The following PCDH10 variants were observed in gnomAD, a reference collection of about 807,000 sequenced individuals.
PCDH10 encodes the protein protocadherin 10.
A neutral mutation model predicts 74.4 loss-of-function variants in PCDH10; 15 were observed. The observed-to-expected ratio is 0.20, with a 90% CI of 0.13 to 0.31. The LOEUF is 0.31. Ranked by LOEUF, PCDH10 falls within the 10% of genes least tolerant of loss-of-function variation. The pLI, the probability that PCDH10 is intolerant of heterozygous loss-of-function variation, is 1.00. For synonymous variants in PCDH10, 619 were observed against 589.8 expected (o/e 1.05, Z -0.72); for missense variants, 1,260 against 1,390.2 (o/e 0.91, Z 1.49).
intron 4 of PCDH10, among the ~76,000 whole-genome samples, chr4:133,172,845 C>T (rs886158299): frequency 1.1e-4 from 17 of 151,916 alleles, no homozygotes; most frequent in Admixed American, 9.8e-4. Context: ...CCCATTGCCT[C>T]CTATCCTTAA....
intron 4 of PCDH10, among the ~76,000 whole-genome samples, chr4:133,171,064 G>A (rs957502304): frequency 1.3e-5 from 2 of 151,668 alleles, no homozygotes; most frequent in African/African-American, 4.8e-5. Context: ...AGATGAAACA[G>A]GTTTCTGGTT....
chr4:133,183,817 A>AG (rs1419438819), intron 4 of PCDH10, among the ~76,000 whole-genome samples: 1 of 152,142 alleles, frequency 6.6e-6, no homozygotes, highest in Non-Finnish European at 1.5e-5. Context: ...CAACTATTTA[A>AG]GGGTGCCAGG....
intron 2 of PCDH10, among the ~76,000 whole-genome samples, chr4:133,202,374 T>C (rs938126371): frequency 6.6e-6 from 1 of 152,098 alleles, no homozygotes; most frequent in African/African-American, 2.4e-5. Context: ...CGGCTCGAGG[T>C]CTTGAGGGTA....
Position 133,152,046 on chromosome 4 carries a change from G to T in PCDH10, c.1906G>T (p.Gly636Trp). ...CCTCTTTCGCATGGACTGGCGCACCGGGGAGCTGCGCACAGCACGCCGAGT... is the reference window on the plus strand; with the variant it reads ...CCTCTTTCGCATGGACTGGCGCACCTGGGAGCTGCGCACAGCACGCCGAGT... ...MNLFRMDWRT[G>W]ELRTARRVPA... Residue 636 changes from glycine (G) to tryptophan (W), a missense_variant, in exon 1 of 5, where the codon GGG (glycine) becomes TGG (tryptophan). Gly to Trp is a radical substitution (Grantham distance 184, BLOSUM62 -2). This residue lies in a region of PCDH10 where 587 missense variants were observed against 616.9 expected (regional missense o/e 0.95). Coordinates refer to ENST00000264360, the MANE Select transcript of PCDH10 (RefSeq NM_032961.3). 1 of 1,610,966 alleles carries T rather than the reference G, an allele frequency of 6.2e-7. No individual in the cohort carries two copies.
chr4:133,183,399 A>G (rs1727461710), intron 4 of PCDH10, among the ~76,000 whole-genome samples: 1 of 152,010 alleles, frequency 6.6e-6, no homozygotes, highest in South Asian at 2.1e-4. Context: ...GTGCCTACTG[A>G]TCTTCCATCT....
intron 2 of PCDH10, among the ~76,000 whole-genome samples, chr4:133,200,329 A>G (rs1035840684): frequency 6.6e-6 from 1 of 152,094 alleles, no homozygotes; most frequent in East Asian, 1.9e-4. Context: ...TGACCCATGT[A>G]AAAAGGACAC....
chr4:133,157,306 G>A (rs1363706967), intron 3 of PCDH10, among the ~76,000 whole-genome samples: 2 of 152,054 alleles, frequency 1.3e-5, no homozygotes, highest in Non-Finnish European at 2.9e-5. Flanking sequence ...CTCAAATGCA[G>A]AGAATTAAAA....
intron 4 of PCDH10, among the ~76,000 whole-genome samples, chr4:133,170,088 G>A (rs1450758414): frequency 1.3e-5 from 2 of 152,000 alleles, no homozygotes; most frequent in African/African-American, 4.8e-5. Context: ...TGAGGAGAGT[G>A]TAGGAAATTC....
rs752317184 is a variant in PCDH10 at position 133,150,816 on chromosome 4, C to A, written c.676C>A (p.Pro226Thr). 2 of 1,588,314 alleles carry A rather than the reference C, an allele frequency of 1.3e-6. No individual in the cohort carries two copies. Among genetic ancestry groups the A allele is most frequent in the Non-Finnish European group, 1.7e-6 (2 of 1,168,842 alleles). The change falls in exon 1 of 5, where the codon CCC becomes ACC. Residue 226 changes from proline (P) to threonine (T), a missense_variant. This residue lies in a region of PCDH10 where 192 missense variants were observed against 161.2 expected (regional missense o/e 1.19). Transcript: ENST00000264360. The part of the protein sequence containing the change: ...GGGGGGAGLP[P>T]QQQRTGTALL... Reference sequence around the variant, plus strand: ...AGGTGGCGGGGGAGCAGGCCTGCCCCCCCAGCAGCAGCGCACCGGCACGGC... The same window carrying A: ...AGGTGGCGGGGGAGCAGGCCTGCCCACCCAGCAGCAGCGCACCGGCACGGC...
intron 3 of PCDH10, among the ~76,000 whole-genome samples, chr4:133,155,768 G>A (rs1015004814): frequency 7.2e-5 from 11 of 152,000 alleles, no homozygotes; most frequent in African/African-American, 2.7e-4. Context: ...TTTCTTTTTA[G>A]AAAGTCAAGT....
chr4:133,178,123 GT>G (rs1267491599), intron 4 of PCDH10, among the ~76,000 whole-genome samples: 3 of 150,304 alleles, frequency 2.0e-5, no homozygotes, highest in Non-Finnish European at 4.4e-5. Flanking sequence ...AGATTTGAAA[GT>G]TGTTTTAGGT....
downstream of PCDH10, among the ~76,000 whole-genome samples, chr4:133,198,534 G>A (rs1043831038): frequency 6.6e-5 from 10 of 152,098 alleles, no homozygotes; most frequent in African/African-American, 2.2e-4. Context: ...AGATGCTTAC[G>A]TTGCTTCCAT....
chr4:133,197,673 T>C (rs916673153), downstream of PCDH10, among the ~76,000 whole-genome samples: 2 of 152,168 alleles, frequency 1.3e-5, no homozygotes, highest in African/African-American at 4.8e-5. Context: ...CTGATGATCA[T>C]TGGGCAACTC....
chr4:133,167,675 C>G (rs1727114410), intron 4 of PCDH10, among the ~76,000 whole-genome samples: 1 of 151,370 alleles, frequency 6.6e-6, no homozygotes, highest in African/African-American at 2.4e-5. Flanking sequence ...TATGTGTACT[C>G]TGTTTCTGAG....
At position 133,152,400 on chromosome 4, in the gene PCDH10, A is replaced by C; in HGVS notation, c.2260A>C (p.Ser754Arg). Residue 754 changes from serine to arginine, a missense_variant, in exon 1 of 5, where the codon AGC becomes CGC. Coordinates refer to ENST00000264360, the MANE Select transcript of PCDH10 (RefSeq NM_032961.3). ...KKLNIYTCLA[S>R]DCCLCCCCCG... is the part of the protein sequence containing the mutation. Reference sequence around the variant, plus strand: ...GCTCAACATCTATACTTGTCTGGCCAGCGATTGCTGCCTCTGCTGCTGCTG... The same window carrying C: ...GCTCAACATCTATACTTGTCTGGCCCGCGATTGCTGCCTCTGCTGCTGCTG... The C allele has an allele frequency of 6.2e-7, 1 of 1,614,198 alleles. No individual in the cohort carries two copies.
At chr4:133,179,431 TTC>T (rs1475648671) in intron 4 of PCDH10, among the ~76,000 whole-genome samples, 1 of 152,154 alleles carries the variant, frequency 6.6e-6, no homozygotes, top group Non-Finnish European at 1.5e-5. Flanking sequence ...CTGCCTACAT[TTC>T]TGTTTCACAT....
rs760923054 is a variant in PCDH10, at chr4:133,152,244, C to T, written c.2104C>T (p.Pro702Ser). 3 of 1,610,692 alleles carry T rather than the reference C, an allele frequency of 1.9e-6. No homozygotes were observed. Among genetic ancestry groups the T allele is most frequent in the Non-Finnish European group, 1.7e-6 (2 of 1,178,352 alleles). ...CGGAGGGTCAGGAGAGCACCAGCGC[C>T]CCAGTCGCTCTGGCGGCGGGGAAAC... ...GGGGSGEHQR[P>S]SRSGGGETSL... The change falls in exon 1 of 5, where the codon CCC becomes TCC. Residue 702 changes from proline to serine, a missense_variant. By Grantham distance (74) the Pro-to-Ser change is moderately conservative (BLOSUM62 -1). Around this residue, in one of 11 missense-constraint regions of PCDH10, gnomAD observed 587 missense variants for 616.9 expected, o/e 0.95. Coordinates refer to ENST00000264360, the MANE Select transcript of PCDH10 (RefSeq NM_032961.3).
chr4:133,201,454 G>A (rs1333597651), intron 2 of PCDH10, among the ~76,000 whole-genome samples: 2 of 152,022 alleles, frequency 1.3e-5, no homozygotes, highest in Non-Finnish European at 2.9e-5. Context: ...GCCACATTGG[G>A]GTTGCACTCA....
chr4:133,188,317 A>G, intron 4 of PCDH10, among the ~76,000 whole-genome samples: 2 of 152,282 alleles, frequency 1.3e-5, no homozygotes, highest in Middle Eastern at 3.4e-3. Context: ...AGGTTTCACT[A>G]TTCTAATTTA....
Sources: gnomAD v4.1 joint callset for allele counts (sites outside exome capture counted in the v4.1 genomes callset) on GRCh38, gnomAD v4.1.1 for gene constraint, gnomAD v4.1.1 regional missense constraint, MANE v1.5 for transcripts, NCBI Gene and HGNC (gene_info 2026-07-23, HGNC 2026-07-21) for gene names.